The following YTHDC1 variants were observed in gnomAD, a reference collection of about 807,000 sequenced individuals.
YTHDC1 encodes the protein YTH domain-containing protein 1.
A neutral mutation model predicts 107.0 loss-of-function variants in YTHDC1; 12 were observed. The observed-to-expected ratio is 0.11, with a 90% CI of 0.07 to 0.18. YTHDC1 has a LOEUF of 0.18. Ranked by LOEUF, YTHDC1 falls within the 10% of genes least tolerant of loss-of-function variation. YTHDC1 has a pLI of 1.00. For synonymous variants in YTHDC1, 280 were observed against 289.5 expected (o/e 0.97, Z 0.33); for missense variants, 635 against 898.8 (o/e 0.71, Z 3.75).
chr4:68,329,262 C>G (rs1723320015), intron 9 of YTHDC1, among the ~76,000 whole-genome samples: 1 of 152,150 alleles, frequency 6.6e-6, no homozygotes, highest in Non-Finnish European at 1.5e-5. Context: ...CCTGCAACCC[C>G]ATAGTTTGTT....
intron 1 of YTHDC1, among the ~76,000 whole-genome samples, chr4:68,345,898 G>A (rs909332706): frequency 6.6e-6 from 1 of 151,728 alleles, no homozygotes; most frequent in Non-Finnish European, 1.5e-5. Context: ...GTTGCCTAGG[G>A]ACAATAGACT....
chr4:68,349,266 G>A (rs192729854), intron 1 of YTHDC1, among the ~76,000 whole-genome samples: 45 of 152,322 alleles, frequency 3.0e-4, no homozygotes, highest in African/African-American at 9.9e-4. Flanking sequence ...TATTTCTCAA[G>A]ATTAATAACC....
intron 5 of YTHDC1, among the ~76,000 whole-genome samples, 173 bp downstream of exon 5, chr4:68,333,135 C>G (rs925339255): frequency 1.3e-5 from 2 of 151,934 alleles, no homozygotes; most frequent in Non-Finnish European, 2.9e-5. Context: ...AGTAACAGAA[C>G]AGGATTAAAA....
Position 68,338,284 on chromosome 4 carries a change from CT to C in YTHDC1, c.128del (p.Lys43ArgfsTer32). On this transcript the variant is annotated frameshift_variant and splice_region_variant, in exon 2 of 17. Transcript: ENST00000344157. LOFTEE classifies it high-confidence loss of function. ...AAAAATAATAGAACTCTTACATACC[CT>C]TTTTCTCATTTTTATCTTGTTCACT... The part of the protein sequence containing the change: ...PESEQDKNEK[K>X]GSKRKSDRME... 6.2e-7 allele frequency: 1 copy of C among 1,600,630 alleles called. No individual in the cohort carries two copies. The highest frequency in any genetic ancestry group is 1.1e-5 in the South Asian group (1 of 89,004).
rs1200121824 is a variant in YTHDC1, at chr4:68,330,013, G to T, written c.1338C>A (p.Asp446Glu). 5 of 1,612,714 alleles carry T rather than the reference G, an allele frequency of 3.1e-6. No individual in the cohort carries two copies. Among genetic ancestry groups the T allele is most frequent in the Non-Finnish European group, 4.2e-6 (5 of 1,178,928 alleles). The change falls in exon 9 of 17, where the codon GAC (aspartate) becomes GAA (glutamate). Residue 446 changes from aspartate to glutamate, a missense_variant. Physicochemically the swap from Asp to Glu is conservative, Grantham distance 45. This residue lies in a region of YTHDC1 where 60 missense variants were observed against 172.0 expected (regional missense o/e 0.35). Transcript: ENST00000344157. ...AGTGTATAATTTACCTGCAAATCCA[G>T]TCAATTTTAAAGACACCTCCCAGCA... is the stretch of plus-strand genomic sequence containing the variant. Reference protein sequence around the residue: ...AKMLGGVFKIDWICRRELPFT... With the variant: ...AKMLGGVFKIEWICRRELPFT...
At chr4:68,319,239 A>G (rs143577959) in intron 12 of YTHDC1, among the ~76,000 whole-genome samples, 1 of 152,320 alleles carries the variant, frequency 6.6e-6, no homozygotes, top group Non-Finnish European at 1.5e-5. Flanking sequence ...CCTTGGGTAT[A>G]TGTAGGTCTT....
At position 68,311,477 on chromosome 4, in the gene YTHDC1, GTTAGAATCACAGCACAGTGGAGTACAC is replaced by G. The variant is rs1341336478; in HGVS notation, c.*2595_*2621del. 1.3e-5 allele frequency: 2 copies of G among 152,142 alleles called. No homozygotes were observed. Among genetic ancestry groups the G allele is most frequent in the African/African-American group, 4.8e-5 (2 of 41,422 alleles). 9.4% of individuals were successfully genotyped at this position (152,142 alleles called of 1,614,324 possible). ...TGAACACATCATACTAATGTAGATT[GTTAGAATCACAGCACAGTGGAGTACAC>G]GAAAGAAACCATGTCTTCTCACAGT... On this transcript the variant is annotated 3_prime_UTR_variant, in exon 17 of 17. Transcript: ENST00000344157.
rs765178045 is a variant in YTHDC1 at position 68,337,266 on chromosome 4, ACTT to A, written c.641_643del (p.Glu214del). On this transcript the variant is annotated inframe_deletion, in exon 4 of 17. Coordinates refer to ENST00000344157, the MANE Select transcript of YTHDC1 (RefSeq NM_001031732.4). ...TTCATCTTCTTCTGCATCTTCTTCT[ACTT>A]CTTCATCTTCCTCCACATCTTCTTC... is the stretch of plus-strand genomic sequence containing the variant. The A allele has an allele frequency of 1.8e-4, 287 of 1,604,044 alleles. No homozygotes were observed. Among genetic ancestry groups the A allele is most frequent in the East Asian group, 2.9e-4 (13 of 44,628 alleles).
At chr4:68,333,712 A>G (rs1723844825) in intron 4 of YTHDC1, among the ~76,000 whole-genome samples, 1 of 152,184 alleles carries the variant, frequency 6.6e-6, no homozygotes, top group Admixed American at 6.5e-5. Flanking sequence ...TTGCAAAGCA[A>G]AAACAATTTC....
intron 1 of YTHDC1, among the ~76,000 whole-genome samples, chr4:68,347,451 T>C (rs1471066577): frequency 2.0e-5 from 3 of 152,184 alleles, no homozygotes; most frequent in Non-Finnish European, 4.4e-5. Flanking sequence ...TCCACTTATA[T>C]GGGCTGCAGC....
Position 68,325,534 on chromosome 4 carries a change from T to C in YTHDC1, c.1350-1311A>G, listed in dbSNP as rs544953862. 6.1e-4 allele frequency among the ~76,000 whole-genome samples: 93 copies of C among 152,280 alleles called. 1 individual carries two copies. The South Asian group carries it at 0.017, about 29-fold the overall frequency. ...ACATGAATTTTCTTGAAAGTGAATA[T>C]TGCCTGCTCAGACCTTTTTTTAAAT... On this transcript the variant is annotated intron_variant, in intron 9 of 16. Coordinates refer to ENST00000344157, the MANE Select transcript of YTHDC1 (RefSeq NM_001031732.4).
At chr4:68,349,590 T>G (rs1191968602) in intron 1 of YTHDC1, 136 bp downstream of exon 1, 9 of 1,386,858 alleles carry the variant, frequency 6.5e-6, no homozygotes, top group Non-Finnish European at 8.0e-6. Flanking sequence ...AGTGTCTCGG[T>G]GGGGGCCACC....
Position 68,313,037 on chromosome 4 carries a change from C to A in YTHDC1, c.*1062G>T, listed in dbSNP as rs1225279578. ...GTTCACTTACAGAAGACTAAAACAA[C>A]AAATAGAAAACCTAAATAAACGATT... On this transcript the variant is annotated 3_prime_UTR_variant, in exon 17 of 17. Coordinates refer to ENST00000344157, the MANE Select transcript of YTHDC1 (RefSeq NM_001031732.4). 1 of 152,026 alleles carries A rather than the reference C, an allele frequency of 6.6e-6. No individual in the cohort carries two copies. The highest frequency in any genetic ancestry group is 1.9e-4 in the East Asian group (1 of 5,192). 9.4% of individuals were successfully genotyped at this position (152,026 alleles called of 1,614,324 possible). A position where few individuals can be genotyped will look rare whatever the true frequency, so the allele number is the denominator to read the frequency against.
rs1723803028 is a variant in YTHDC1, at chr4:68,333,393, C to G, written c.888G>C (p.Glu296Asp). Reference sequence around the variant, plus strand: ...TAGCTCTCTTCCTTTCCTTCTTTTTCTCATCTAAAAAGAACAAGAGTTTTT... The same window carrying G: ...TAGCTCTCTTCCTTTCCTTCTTTTTGTCATCTAAAAAGAACAAGAGTTTTT... ...RSGSGTDGSDEKKKERKRARG... is the reference protein window; with the variant it reads ...RSGSGTDGSDDKKKERKRARG... The change falls in exon 5 of 17, where the codon GAG becomes GAC. Residue 296 changes from glutamate (E) to aspartate (D), a missense_variant. Transcript: ENST00000344157. 4 of 1,602,782 alleles carry G rather than the reference C, an allele frequency of 2.5e-6. No individual in the cohort carries two copies. Among genetic ancestry groups the G allele is most frequent in the Non-Finnish European group, 3.4e-6 (4 of 1,174,776 alleles).
intron 1 of YTHDC1, among the ~76,000 whole-genome samples, chr4:68,339,247 C>G (rs975223469): frequency 2.0e-5 from 3 of 152,052 alleles, no homozygotes; most frequent in Non-Finnish European, 4.4e-5. Flanking sequence ...TTGTAATGTT[C>G]TATGCAAAAT....
intron 10 of YTHDC1, among the ~76,000 whole-genome samples, chr4:68,323,502 C>A (rs765963957): frequency 1.3e-5 from 2 of 152,140 alleles, no homozygotes; most frequent in Non-Finnish European, 2.9e-5. Context: ...CCCAGGCAGG[C>A]GGATCGCTTG....
intron 7 of YTHDC1, among the ~76,000 whole-genome samples, chr4:68,331,608 T>C (rs950649589): frequency 4.6e-5 from 7 of 152,228 alleles, no homozygotes; most frequent in African/African-American, 1.7e-4. Context: ...TGCATATCTT[T>C]TTTGCAAAGT....
rs1033662720 is a variant in YTHDC1 at position 68,322,081 on chromosome 4, C to T, written c.1601+668G>A. On this transcript the variant is annotated intron_variant, in intron 11 of 16. Transcript: ENST00000344157. This position sits in a 1 kb window ranked among gnomAD's most constrained non-coding sequence, Gnocchi z 4.8. ...ACAGCCCTTCTTTTTGGTTTGTTGC[C>T]GGGTCTCCCAGGGCCACTTGATCCC... Among the ~76,000 whole-genome samples the T allele has an allele frequency of 6.6e-6, 1 of 152,092 alleles. No homozygotes were observed. Among genetic ancestry groups the T allele is most frequent in the Non-Finnish European group, 1.5e-5 (1 of 68,028 alleles).
chr4:68,333,441 C>T lies in YTHDC1; in HGVS notation c.884-44G>A, dbSNP rs192077097. 6.3e-3 allele frequency: 8,688 copies of T among 1,380,314 alleles called. 32 individuals are homozygous for T. The highest frequency in any genetic ancestry group is 8.2e-3 in the Non-Finnish European group (8,085 of 984,294). 85.5% of individuals were successfully genotyped at this position (1,380,314 alleles called of 1,614,324 possible). A position where few individuals can be genotyped will look rare whatever the true frequency, so the allele number is the denominator to read the frequency against. On this transcript the variant is annotated intron_variant, in intron 4 of 16. Coordinates refer to ENST00000344157, the MANE Select transcript of YTHDC1 (RefSeq NM_001031732.4). ...TTTTTTTTAAATCACAATACAGAAACGAAGAGAAGTAATCAAACAAGAATG... is the reference window on the plus strand; with the variant it reads ...TTTTTTTTAAATCACAATACAGAAATGAAGAGAAGTAATCAAACAAGAATG...
Sources: gnomAD v4.1 joint callset for allele counts (sites outside exome capture counted in the v4.1 genomes callset) on GRCh38, gnomAD v4.1.1 for gene constraint, gnomAD v4.1.1 regional missense constraint, Gnocchi (gnomAD v3.1) non-coding constraint, MANE v1.5 for transcripts, NCBI Gene and HGNC (gene_info 2026-07-23, HGNC 2026-07-21) for gene names.